Variants in HMBOX1 observed in about 807,000 individuals in gnomAD.
HMBOX1 encodes homeobox-containing protein 1.
In HMBOX1, 14 loss-of-function variants were observed where a neutral mutation model predicts 54.5. That is an observed-to-expected ratio of 0.26 (90% CI 0.17 to 0.40). The LOEUF (loss-of-function observed/expected upper bound fraction) is 0.40, where lower values mean the gene tolerates loss of function less well. Among genes scored for constraint, HMBOX1 ranks in the 10% least tolerant of loss-of-function variants. The pLI is 1.00. For missense variants in HMBOX1, 332 were observed against 514.4 expected (o/e 0.65, Z 3.43); for synonymous variants, 160 against 181.0 (o/e 0.88, Z 0.93).
At position 28,964,644 on chromosome 8, in the gene HMBOX1, T is replaced by G. The variant is rs549710125; in HGVS notation, c.23+754T>G. On this transcript the variant is annotated intron_variant, in intron 2 of 9. Coordinates refer to ENST00000287701, the MANE Select transcript of HMBOX1 (RefSeq NM_001135726.3). ...CCACTTTGCTTAAATTCCTTCCGTT[T>G]TGGTTGACAGTTCTATAATACAGTA... Among the ~76,000 whole-genome samples, 12 of 152,304 alleles carry G rather than the reference T, an allele frequency of 7.9e-5. No homozygotes were observed. The South Asian group carries it at 2.5e-3, about 32-fold the overall frequency.
chr8:28,896,703 G>A (rs181610688), intron 1 of HMBOX1, among the ~76,000 whole-genome samples: 1 of 151,994 alleles, frequency 6.6e-6, no homozygotes, highest in African/African-American at 2.4e-5. Context: ...GTTTAATACA[G>A]TAACATGCTG....
At chr8:28,920,041 G>A (rs1304692435) in intron 1 of HMBOX1, among the ~76,000 whole-genome samples, 3 of 151,976 alleles carry the variant, frequency 2.0e-5, no homozygotes, top group African/African-American at 7.2e-5. Flanking sequence ...TGCACACAGG[G>A]CTGGCTTATG....
intron 5 of HMBOX1, chr8:29,009,523 C>CTTTTTTTTTTTTTTTTTTT: frequency 2.2e-6 from 1 of 452,008 alleles, no homozygotes; most frequent in Non-Finnish European, 2.6e-6. Context: ...TTCCGTATCT[C>CTTTTTTTTTTTTTTTTTTT]TTTTTTTTTT....
intron 4 of HMBOX1, 61 bp downstream of exon 4, chr8:28,980,217 T>C: frequency 8.3e-7 from 1 of 1,197,970 alleles, no homozygotes; most frequent in East Asian, 2.3e-5. Flanking sequence ...CTGGTGCAGA[T>C]GTTGGAATAT....
chr8:28,921,728 AG>A (rs1221178730), intron 1 of HMBOX1, among the ~76,000 whole-genome samples: 2 of 152,368 alleles, frequency 1.3e-5, no homozygotes, highest in East Asian at 3.9e-4. Context: ...TAATTTTAAA[AG>A]ACATAGGAAG....
chr8:28,949,641 T>C (rs955934317), intron 1 of HMBOX1: 1 of 152,356 alleles, frequency 6.6e-6, no homozygotes, highest in South Asian at 2.1e-4. Context: ...TTTTCTTTCA[T>C]TTCTTCACTA....
intron 7 of HMBOX1, 100 bp from the exon 8 acceptor site, chr8:29,047,258 C>A: frequency 1.4e-6 from 1 of 733,930 alleles, no homozygotes; most frequent in East Asian, 2.7e-5. Context: ...TGGCAATAAA[C>A]GTAATCAAAA....
chr8:28,951,907 C>T (rs763700879), intron 1 of HMBOX1, among the ~76,000 whole-genome samples: 1 of 152,116 alleles, frequency 6.6e-6, no homozygotes, highest in African/African-American at 2.4e-5. Context: ...GTGGCTCCCA[C>T]CTGTAATCCC....
At chr8:29,049,303 T>C in intron 9 of HMBOX1, 1 of 1,535,904 alleles carries the variant, frequency 6.5e-7, no homozygotes, top group South Asian at 1.2e-5. Context: ...ACTTGGCAAG[T>C]ACGCAATGGG....
chr8:28,993,576 G>C (rs955308878), intron 4 of HMBOX1, among the ~76,000 whole-genome samples: 2 of 152,038 alleles, frequency 1.3e-5, no homozygotes, highest in Admixed American at 1.3e-4. Flanking sequence ...TGAAGAAGGG[G>C]GTAGGTTGTA....
chr8:28,989,047 C>T (rs545952374), intron 4 of HMBOX1, among the ~76,000 whole-genome samples: 6 of 151,954 alleles, frequency 3.9e-5, no homozygotes, highest in South Asian at 2.1e-4. Context: ...CCGAGGCGGG[C>T]GAATCACAGG....
At chr8:29,008,583 G>A (rs1320989154) in intron 4 of HMBOX1, among the ~76,000 whole-genome samples, 1 of 152,164 alleles carries the variant, frequency 6.6e-6, no homozygotes, top group Non-Finnish European at 1.5e-5. Context: ...ATTGAAGACA[G>A]TATTTTCAGT....
At chr8:28,917,887 T>G (rs1816849238) in intron 1 of HMBOX1, among the ~76,000 whole-genome samples, 1 of 152,354 alleles carries the variant, frequency 6.6e-6, no homozygotes, top group Middle Eastern at 3.4e-3. Context: ...CATATATTGC[T>G]GGATTCAGTT....
chr8:29,035,087 A>G (rs1300436289), intron 6 of HMBOX1, among the ~76,000 whole-genome samples: 4 of 152,174 alleles, frequency 2.6e-5, no homozygotes, highest in Non-Finnish European at 5.9e-5. Flanking sequence ...TTCTTAAAAG[A>G]ATCTATGCTA....
intron 6 of HMBOX1, among the ~76,000 whole-genome samples, chr8:29,042,231 GGA>G (rs1218764966): frequency 2.6e-5 from 4 of 152,244 alleles, no homozygotes; most frequent in African/African-American, 9.6e-5. Context: ...AGGAAAGAAA[GGA>G]GAGTTGAGAA....
chr8:28,952,359 G>A (rs533936780), intron 1 of HMBOX1, among the ~76,000 whole-genome samples: 1 of 151,780 alleles, frequency 6.6e-6, no homozygotes, highest in African/African-American at 2.4e-5. Flanking sequence ...TCAGCCTCCC[G>A]AGTAGCTGGG....
chr8:28,988,255 A>T (rs1240581821), intron 4 of HMBOX1, among the ~76,000 whole-genome samples: 1 of 152,232 alleles, frequency 6.6e-6, no homozygotes, highest in Non-Finnish European at 1.5e-5. Context: ...TACATGTTTC[A>T]GTTATTTATG....
chr8:28,995,660 C>T (rs1031360225), intron 4 of HMBOX1, among the ~76,000 whole-genome samples: 5 of 152,144 alleles, frequency 3.3e-5, no homozygotes, highest in Non-Finnish European at 7.3e-5. Context: ...TGATAGCTAT[C>T]CTAATGGATG....
intron 5 of HMBOX1, among the ~76,000 whole-genome samples, chr8:29,011,420 C>G (rs1834206072): frequency 6.6e-6 from 1 of 152,190 alleles, no homozygotes; most frequent in Non-Finnish European, 1.5e-5. Context: ...GATGAATATC[C>G]TTTCCTGCAA....
Sources: gnomAD v4.1 joint callset for allele counts (sites outside exome capture counted in the v4.1 genomes callset) on GRCh38, gnomAD v4.1.1 for gene constraint, MANE v1.5 for transcripts, NCBI Gene and HGNC (gene_info 2026-07-23, HGNC 2026-07-21) for gene names.